The following LYPLAL1 variants were observed in gnomAD, a reference collection of about 807,000 sequenced individuals.
The protein encoded by LYPLAL1 is lysophospholipase-like protein 1.
A neutral mutation model predicts 19.7 loss-of-function variants in LYPLAL1; 23 were observed. That is an observed-to-expected ratio of 1.17 (90% CI 0.84 to 1.65). The LOEUF (loss-of-function observed/expected upper bound fraction) is 1.65, where lower values mean the gene tolerates loss of function less well. LYPLAL1 is among the 40% of genes most tolerant of loss of function. The pLI, the probability that LYPLAL1 is intolerant of heterozygous loss-of-function variation, is 0.00. For missense variants in LYPLAL1, 355 were observed against 279.4 expected, an observed-to-expected ratio of 1.27 and a Z score of -1.93; for synonymous variants, 119 against 96.3, an observed-to-expected ratio of 1.24 and a Z score of -1.38.
At chr1:219,308,682 C>T in the LYPLAL1 span, among the ~76,000 whole-genome samples, 1 of 152,152 alleles carries the variant, frequency 6.6e-6, no homozygotes. Context: ...TTTGAGCCTG[C>T]AGGTGAACAG....
the LYPLAL1 span, among the ~76,000 whole-genome samples, chr1:219,356,547 A>G: frequency 6.6e-6 from 1 of 152,192 alleles, no homozygotes; most frequent in Non-Finnish European, 1.5e-5. Context: ...ATATTTATCA[A>G]TTTAAAAATT....
At chr1:219,329,402 C>T in the LYPLAL1 span, among the ~76,000 whole-genome samples, 2 of 152,090 alleles carry the variant, frequency 1.3e-5, no homozygotes, top group Admixed American at 6.6e-5. Flanking sequence ...ATTTGTCATA[C>T]GTTTAGCAAT....
At chr1:219,355,612 A>G in the LYPLAL1 span, among the ~76,000 whole-genome samples, 4 of 152,210 alleles carry the variant, frequency 2.6e-5, no homozygotes, top group Non-Finnish European at 5.9e-5. Flanking sequence ...TTAAATAATA[A>G]CAAAAGAATC....
intron 2 of LYPLAL1, among the ~76,000 whole-genome samples, chr1:219,192,065 G>T (rs993648501): frequency 4.6e-5 from 7 of 151,370 alleles, no homozygotes; most frequent in Non-Finnish European, 7.4e-5. Context: ...TTGAAAAATG[G>T]TGTAATTTTG....
At chr1:219,240,782 G>T in the LYPLAL1 span, among the ~76,000 whole-genome samples, 1 of 152,026 alleles carries the variant, frequency 6.6e-6, no homozygotes, top group African/African-American at 2.4e-5. Flanking sequence ...GGTCTTTTGT[G>T]TAAGAGACTG....
the LYPLAL1 span, among the ~76,000 whole-genome samples, chr1:219,420,642 T>C: frequency 6.6e-6 from 1 of 152,200 alleles, no homozygotes; most frequent in Non-Finnish European, 1.5e-5. Context: ...AATTTGGTAA[T>C]GCTGCCATTG....
the LYPLAL1 span, among the ~76,000 whole-genome samples, chr1:219,422,866 G>C: frequency 6.6e-6 from 1 of 152,086 alleles, no homozygotes; most frequent in East Asian, 1.9e-4. Flanking sequence ...AAATGTTGCT[G>C]TATGTGTACC....
chr1:219,223,592 CAT>C, the LYPLAL1 span, among the ~76,000 whole-genome samples: 2 of 152,064 alleles, frequency 1.3e-5, no homozygotes, highest in South Asian at 4.1e-4. Context: ...TTTTGAAAGT[CAT>C]GTGATTTTTA....
the LYPLAL1 span, among the ~76,000 whole-genome samples, chr1:219,377,039 G>A: frequency 1.1e-4 from 17 of 152,116 alleles, no homozygotes; most frequent in African/African-American, 1.9e-4. Flanking sequence ...ACCCATGTTC[G>A]TAGAAGCATT....
the LYPLAL1 span, among the ~76,000 whole-genome samples, chr1:219,366,146 T>A: frequency 6.6e-6 from 1 of 152,150 alleles, no homozygotes; most frequent in Non-Finnish European, 1.5e-5. Flanking sequence ...TTCACTCATA[T>A]CTTATCTGAC....
At chr1:219,409,810 A>G in the LYPLAL1 span, 1 of 152,204 alleles carries the variant, frequency 6.6e-6, no homozygotes, top group East Asian at 1.9e-4. Flanking sequence ...AAGAAGCACC[A>G]TTACTTCTGT....
the LYPLAL1 span, among the ~76,000 whole-genome samples, chr1:219,275,831 C>G: frequency 6.6e-6 from 1 of 152,218 alleles, no homozygotes; most frequent in Admixed American, 6.5e-5. Flanking sequence ...ATTCTACACC[C>G]TAGCTTCATT....
the LYPLAL1 span, among the ~76,000 whole-genome samples, chr1:219,295,506 C>T: frequency 6.6e-6 from 1 of 152,108 alleles, no homozygotes; most frequent in Admixed American, 6.5e-5. Context: ...TTCCCATTTC[C>T]CAGCTTTGAG....
chr1:219,371,158 A>T, the LYPLAL1 span, among the ~76,000 whole-genome samples: 1 of 152,288 alleles, frequency 6.6e-6, no homozygotes. Flanking sequence ...TGGTTTCCTA[A>T]GCTCTACCTT....
intron 3 of LYPLAL1, 157 bp from the exon 4 acceptor site, chr1:219,210,375 G>T (rs1658913712): frequency 2.1e-6 from 1 of 471,296 alleles, no homozygotes. Flanking sequence ...TTATGTTATC[G>T]CAGGCCTTTG....
At chr1:219,346,078 A>C in the LYPLAL1 span, among the ~76,000 whole-genome samples, 325 of 152,310 alleles carry the variant, frequency 2.1e-3, 3 homozygotes, top group African/African-American at 7.7e-3. Flanking sequence ...GGTTTGGTCT[A>C]GGGCTTGTTC....
the LYPLAL1 span, among the ~76,000 whole-genome samples, chr1:219,288,347 C>T: frequency 6.6e-6 from 1 of 152,102 alleles, no homozygotes; most frequent in African/African-American, 2.4e-5. Flanking sequence ...GCATATTTTA[C>T]TAAGTGAAAG....
the LYPLAL1 span, among the ~76,000 whole-genome samples, chr1:219,443,106 T>G: frequency 2.0e-5 from 3 of 151,312 alleles, no homozygotes; most frequent in Admixed American, 1.3e-4. Context: ...AATGAACAAA[T>G]GGAAAATTTA....
the LYPLAL1 span, among the ~76,000 whole-genome samples, chr1:219,296,979 AG>A: frequency 6.6e-6 from 1 of 152,220 alleles, no homozygotes; most frequent in Non-Finnish European, 1.5e-5. Context: ...GGCAGACACT[AG>A]ACGTGCCCGC....
Sources: gnomAD v4.1 joint callset for allele counts (sites outside exome capture counted in the v4.1 genomes callset) on GRCh38, gnomAD v4.1.1 for gene constraint, MANE v1.5 for transcripts, NCBI Gene and HGNC (gene_info 2026-07-23, HGNC 2026-07-21) for gene names.